Variants in SMCHD1 observed in about 807,000 individuals in gnomAD.
SMCHD1 encodes structural maintenance of chromosomes flexible hinge domain-containing protein 1.
SMCHD1 carries 78 observed loss-of-function variants against 254.7 expected under a neutral mutation model. The ratio of observed to expected loss-of-function variants is 0.31; its 90% CI spans 0.26 to 0.37. SMCHD1 has a LOEUF of 0.37. Among genes scored for constraint, SMCHD1 ranks in the 10% least tolerant of loss-of-function variants. The probability of loss-of-function intolerance (pLI) is 1.00; values close to 1 mark genes in which losing one functional copy is unlikely to be tolerated. For missense variants in SMCHD1, 1,840 were observed against 2,408.1 expected, an observed-to-expected ratio of 0.76 and a Z score of 4.94; for synonymous variants, 766 against 794.9, an observed-to-expected ratio of 0.96 and a Z score of 0.61.
In SMCHD1 at chr18:2,655,926, G is replaced by T. The variant is rs1274326495; in HGVS notation, c.-150G>T. 2.6e-5 allele frequency: 13 copies of T among 506,636 alleles called. No homozygotes were observed. In the East Asian group the frequency reaches 4.8e-4, roughly 19 times the overall value. 31.4% of individuals were successfully genotyped at this position (506,636 alleles called of 1,614,324 possible). ...GTGATCCTCGCGCCTGCCGCTGCTC[G>T]GCCGCCGCCGCTGACGAGGAGCTGC... On this transcript the variant is annotated 5_prime_UTR_variant, in exon 1 of 48. Coordinates refer to ENST00000320876, the MANE Select transcript of SMCHD1 (RefSeq NM_015295.3).
chr18:2,660,472 GTTTT>G lies in SMCHD1; in HGVS notation c.186+4227_186+4230del, dbSNP rs547130890. Among the ~76,000 whole-genome samples, 18 of 126,154 alleles carry G rather than the reference GTTTT, an allele frequency of 1.4e-4. No homozygotes were observed. In the East Asian group the frequency reaches 3.0e-3, roughly 21 times the overall value. The allele number at this position is 126,154 out of a possible 152,430, so 82.8% of individuals were successfully genotyped here. ...TAAATTTATAGATTAAAAATCCATG[GTTTT>G]TTTTTTTTTTTTTTTGATGGGAGTT... is the stretch of plus-strand genomic sequence containing the variant. On this transcript the variant is annotated intron_variant, in intron 1 of 47. Coordinates refer to ENST00000320876, the MANE Select transcript of SMCHD1 (RefSeq NM_015295.3).
intron 44 of SMCHD1, 39 bp from the exon 45 acceptor site, chr18:2,784,411 T>C (rs1339261384): frequency 1.7e-5 from 25 of 1,435,382 alleles, no homozygotes; most frequent in Non-Finnish European, 2.2e-5. Context: ...GCAGTTGAAA[T>C]AAGTTGCTCA....
chr18:2,788,846 C>A (rs1329846465), intron 45 of SMCHD1, among the ~76,000 whole-genome samples: 2 of 152,166 alleles, frequency 1.3e-5, no homozygotes, highest in Non-Finnish European at 2.9e-5. Context: ...GATCTGCCCA[C>A]TTAAGCCTCC....
chr18:2,728,201 T>C (rs764914712), intron 22 of SMCHD1, among the ~76,000 whole-genome samples: 6 of 152,114 alleles, frequency 3.9e-5, no homozygotes, highest in Non-Finnish European at 8.8e-5. Flanking sequence ...ATATGAATTA[T>C]CACTGTGTTG....
At chr18:2,730,459 C>T (rs997913671) in intron 24 of SMCHD1, among the ~76,000 whole-genome samples, 3 of 152,082 alleles carry the variant, frequency 2.0e-5, no homozygotes, top group Non-Finnish European at 2.9e-5. Context: ...CGTGAGCCAC[C>T]GTGCCTGGCC....
At chr18:2,724,598 A>G (rs1052568499) in intron 20 of SMCHD1, among the ~76,000 whole-genome samples, 2 of 152,154 alleles carry the variant, frequency 1.3e-5, no homozygotes, top group African/African-American at 4.8e-5. Context: ...TACATGGTCT[A>G]GCATTAGATT....
chr18:2,658,107 T>C (rs1354161026), intron 1 of SMCHD1, among the ~76,000 whole-genome samples: 3 of 152,250 alleles, frequency 2.0e-5, no homozygotes, highest in Non-Finnish European at 4.4e-5. Context: ...TTTGAATACA[T>C]AGCCGTTTAT....
At chr18:2,699,053 T>G (rs2074343919) in intron 10 of SMCHD1, among the ~76,000 whole-genome samples, 1 of 152,194 alleles carries the variant, frequency 6.6e-6, no homozygotes, top group Non-Finnish European at 1.5e-5. Flanking sequence ...AGGTTAACAA[T>G]ATTAAACTTT....
chr18:2,656,134 G>A lies in SMCHD1; in HGVS notation c.59G>A (p.Gly20Asp). ...GCCTCTGTGGGGACTGAGGAGGATGGCGGAGGCGTCGGCCACAGGACGGTG... is the reference window on the plus strand; with the variant it reads ...GCCTCTGTGGGGACTGAGGAGGATGACGGAGGCGTCGGCCACAGGACGGTG... ...GGASVGTEED[G>D]GGVGHRTVYL... Residue 20 changes from glycine to aspartate, a missense_variant, in exon 1 of 48, where the codon GGC becomes GAC. Physicochemically the swap from Gly to Asp is moderately conservative, Grantham distance 94. Transcript: ENST00000320876. 6 of 1,494,098 alleles carry A rather than the reference G, an allele frequency of 4.0e-6. No homozygotes were observed. The highest frequency in any genetic ancestry group is 4.4e-6 in the Non-Finnish European group (5 of 1,124,054). The allele number at this position is 1,494,098 out of a possible 1,614,324, so 92.6% of individuals were successfully genotyped here.
At chr18:2,704,649 G>A (rs1163621081) in intron 13 of SMCHD1, among the ~76,000 whole-genome samples, 1 of 150,288 alleles carries the variant, frequency 6.7e-6, no homozygotes, top group Non-Finnish European at 1.5e-5. Flanking sequence ...TGGGCTGGAA[G>A]AACAGAGCAG....
intron 5 of SMCHD1, among the ~76,000 whole-genome samples, chr18:2,688,065 G>C (rs2074092417): frequency 1.3e-5 from 2 of 152,316 alleles, no homozygotes; most frequent in Middle Eastern, 3.4e-3. Flanking sequence ...TTTTGAAGTA[G>C]CAAACAGTTT....
intron 24 of SMCHD1, 135 bp downstream of exon 24, chr18:2,729,544 G>A (rs1598376941): frequency 1.8e-6 from 1 of 566,928 alleles, no homozygotes; most frequent in Non-Finnish European, 2.9e-6. Context: ...CCAAAGCAAA[G>A]CAAAGACAAT....
chr18:2,709,922 TTTC>T (rs2074629305), intron 17 of SMCHD1, among the ~76,000 whole-genome samples: 1 of 152,220 alleles, frequency 6.6e-6, no homozygotes, highest in South Asian at 2.1e-4. Context: ...TAGTTTCTTT[TTTC>T]TTTTGTTGGC....
chr18:2,789,997 C>T (rs556732828), intron 45 of SMCHD1, among the ~76,000 whole-genome samples: 56 of 152,058 alleles, frequency 3.7e-4, no homozygotes, highest in African/African-American at 1.3e-3. Flanking sequence ...GCCTGGCCAA[C>T]GTGGTGAAAC....
In SMCHD1 at chr18:2,804,817, T is replaced by C. The variant is rs1423413979; in HGVS notation, c.*2265T>C. ...CTTCTAAGATTTAATACTAGTCTTT[T>C]AGTATAAAGGAATGTAACTGGAGAA... On this transcript the variant is annotated 3_prime_UTR_variant, in exon 48 of 48. Coordinates refer to ENST00000320876, the MANE Select transcript of SMCHD1 (RefSeq NM_015295.3). 4.6e-5 allele frequency: 7 copies of C among 152,230 alleles called. No individual in the cohort carries two copies. The highest frequency in any genetic ancestry group is 1.0e-4 in the Non-Finnish European group (7 of 68,026). 9.4% of individuals were successfully genotyped at this position (152,230 alleles called of 1,614,324 possible). A position where few individuals can be genotyped will look rare whatever the true frequency, so the allele number is the denominator to read the frequency against.
At chr18:2,778,900 GA>G (rs1205650617) in intron 44 of SMCHD1, 2 of 152,198 alleles carry the variant, frequency 1.3e-5, no homozygotes, top group African/African-American at 4.8e-5. Context: ...GTCACATTCT[GA>G]GGGACTGGGG....
intron 3 of SMCHD1, 55 bp downstream of exon 3, chr18:2,667,086 G>T: frequency 1.6e-6 from 2 of 1,238,216 alleles, no homozygotes; most frequent in East Asian, 2.6e-5. Flanking sequence ...TTTATCCCCT[G>T]ATTACGTATC....
intron 5 of SMCHD1, among the ~76,000 whole-genome samples, chr18:2,686,650 T>G (rs1247174532): frequency 6.6e-6 from 1 of 152,136 alleles, no homozygotes; most frequent in East Asian, 1.9e-4. Flanking sequence ...TGAGGTGTTT[T>G]GTATAAATGC....
chr18:2,764,190 A>G (rs752945868), intron 37 of SMCHD1: 1 of 180,862 alleles, frequency 5.5e-6, no homozygotes, highest in Non-Finnish European at 1.1e-5. Flanking sequence ...AAAAATATAC[A>G]GTGCAAGAAC....
Sources: gnomAD v4.1 joint callset for allele counts (sites outside exome capture counted in the v4.1 genomes callset) on GRCh38, gnomAD v4.1.1 for gene constraint, MANE v1.5 for transcripts, NCBI Gene and HGNC (gene_info 2026-07-23, HGNC 2026-07-21) for gene names.